The following PACRG variants were observed in gnomAD, a reference collection of about 807,000 sequenced individuals.
PACRG encodes the protein parkin coregulated gene protein.
A neutral mutation model predicts 29.7 loss-of-function variants in PACRG; 29 were observed. That is an observed-to-expected ratio of 0.98 (90% CI 0.73 to 1.33). The LOEUF is 1.33. PACRG is among the 40% of genes most tolerant of loss of function. PACRG has a pLI of 0.00. For synonymous variants in PACRG, 116 were observed against 118.7 expected (o/e 0.98, Z 0.15); for missense variants, 279 against 316.2 (o/e 0.88, Z 0.89).
chr6:162,930,711 A>G (rs1172537312), intron 2 of PACRG, among the ~76,000 whole-genome samples: 2 of 151,884 alleles, frequency 1.3e-5, no homozygotes, highest in African/African-American at 2.4e-5. Flanking sequence ...GTTCAGTATT[A>G]TATTAGCTGT....
At chr6:163,166,943 A>G (rs1363702655) in intron 4 of PACRG, among the ~76,000 whole-genome samples, 1 of 152,244 alleles carries the variant, frequency 6.6e-6, no homozygotes, top group African/African-American at 2.4e-5. Context: ...AGAATCATAG[A>G]TTATATTTGT....
chr6:162,944,314 A>C (rs1452337497), intron 2 of PACRG, among the ~76,000 whole-genome samples: 1 of 152,214 alleles, frequency 6.6e-6, no homozygotes, highest in African/African-American at 2.4e-5. Flanking sequence ...GTACATCTTG[A>C]GGAAAAAATC....
intron 4 of PACRG, chr6:163,190,477 C>T (rs2128360582): frequency 6.6e-6 from 1 of 152,342 alleles, no homozygotes; most frequent in East Asian, 1.9e-4. Flanking sequence ...GGAGGAAATT[C>T]TGAAGGTTCA....
intron 2 of PACRG, among the ~76,000 whole-genome samples, chr6:163,011,463 CTA>C (rs1805607948): frequency 6.6e-6 from 1 of 152,134 alleles, no homozygotes; most frequent in Admixed American, 6.5e-5. Context: ...AATGGTACAC[CTA>C]TATAGGGCAT....
chr6:163,074,727 A>G (rs1248639505), intron 3 of PACRG, among the ~76,000 whole-genome samples: 2 of 152,240 alleles, frequency 1.3e-5, no homozygotes, highest in Non-Finnish European at 2.9e-5. Flanking sequence ...AAATTAAAAT[A>G]CATACAGAAA....
intron 2 of PACRG, among the ~76,000 whole-genome samples, chr6:162,999,665 C>T (rs1437808943): frequency 6.6e-6 from 1 of 152,172 alleles, no homozygotes; most frequent in African/African-American, 2.4e-5. Flanking sequence ...CATAGTAAAA[C>T]ATTTTAATTA....
chr6:162,947,583 C>CAT (rs746673462), intron 2 of PACRG, among the ~76,000 whole-genome samples: 1,417 of 42,048 alleles, frequency 0.034, 153 homozygotes, highest in African/African-American at 0.13. Context: ...CATATATAAT[C>CAT]ATATATATAA....
At chr6:163,190,730 G>A (rs1184067774) in intron 4 of PACRG, 1 of 232,952 alleles carries the variant, frequency 4.3e-6, no homozygotes, top group East Asian at 1.2e-4. Context: ...AACTAGAATT[G>A]GGCAAAAGTG....
upstream of PACRG, chr6:162,727,866 C>A (rs1779388428): frequency 2.5e-5 from 15 of 601,660 alleles, no homozygotes; most frequent in East Asian, 4.4e-4. Context: ...CGTAGTTTCT[C>A]CTCACGCCTC....
chr6:162,781,088 A>T (rs1001239417), intron 1 of PACRG, among the ~76,000 whole-genome samples: 15 of 152,026 alleles, frequency 9.9e-5, no homozygotes, highest in African/African-American at 3.4e-4. Flanking sequence ...ACCAAGGCCC[A>T]TTATAATCCA....
chr6:162,841,846 G>T (rs1218784777), intron 2 of PACRG, among the ~76,000 whole-genome samples: 2 of 151,734 alleles, frequency 1.3e-5, no homozygotes, highest in Non-Finnish European at 2.9e-5. Context: ...CCTTCATTTC[G>T]TTATGTATCC....
intron 4 of PACRG, among the ~76,000 whole-genome samples, chr6:163,145,004 G>A (rs1313638665): frequency 1.3e-5 from 2 of 152,144 alleles, no homozygotes; most frequent in Admixed American, 1.3e-4. Flanking sequence ...AAAGGTAGCT[G>A]ATGCCTCATG....
intron 3 of PACRG, among the ~76,000 whole-genome samples, chr6:163,086,764 G>T (rs1192278257): frequency 6.6e-6 from 1 of 152,076 alleles, no homozygotes; most frequent in Non-Finnish European, 1.5e-5. Context: ...AACTAGCCAG[G>T]CATAAAGGAA....
chr6:163,302,772 T>C (rs912208260), intron 4 of PACRG, among the ~76,000 whole-genome samples: 3 of 152,226 alleles, frequency 2.0e-5, no homozygotes, highest in Non-Finnish European at 4.4e-5. Flanking sequence ...TGGTGTAACG[T>C]GTTTTTTCAT....
intron 2 of PACRG, among the ~76,000 whole-genome samples, chr6:162,820,863 G>C (rs1377641766): frequency 1.3e-5 from 2 of 152,080 alleles, no homozygotes; most frequent in Admixed American, 6.5e-5. Context: ...AATTTTACAA[G>C]AGAAGTGACA....
At chr6:162,892,674 C>T (rs1039119085) in intron 2 of PACRG, among the ~76,000 whole-genome samples, 2 of 152,182 alleles carry the variant, frequency 1.3e-5, no homozygotes, top group African/African-American at 4.8e-5. Flanking sequence ...CGCCCCCTGA[C>T]CCCCCTACAG....
chr6:163,200,495 C>T lies in PACRG; in HGVS notation c.613+111087C>T, dbSNP rs116833920. 4.8e-3 allele frequency among the ~76,000 whole-genome samples: 736 copies of T among 152,200 alleles called. 7 individuals are homozygous for T. The highest frequency in any genetic ancestry group is 0.017 in the African/African-American group (707 of 41,510). ...AACGCCAAGGGTATGAACGTGGGCA[C>T]GTGTCGCATACTTCCCAGTTCATGC... On this transcript the variant is annotated intron_variant, in intron 4 of 4. Transcript: ENST00000366888.
At chr6:162,909,622 C>T (rs1342576603) in intron 2 of PACRG, among the ~76,000 whole-genome samples, 2 of 142,100 alleles carry the variant, frequency 1.4e-5, no homozygotes, top group Non-Finnish European at 3.1e-5. Flanking sequence ...TCCCCACTTC[C>T]TACCCCTTCC....
intron 4 of PACRG, among the ~76,000 whole-genome samples, chr6:163,132,770 A>C (rs1816789259): frequency 6.6e-6 from 1 of 152,232 alleles, no homozygotes; most frequent in Non-Finnish European, 1.5e-5. Context: ...TCTTACTTAT[A>C]TTTAATAGCA....
Sources: gnomAD v4.1 joint callset for allele counts (sites outside exome capture counted in the v4.1 genomes callset) on GRCh38, gnomAD v4.1.1 for gene constraint, MANE v1.5 for transcripts, NCBI Gene and HGNC (gene_info 2026-07-23, HGNC 2026-07-21) for gene names.